Variants in RPS6KA5 observed in about 807,000 individuals in gnomAD.
RPS6KA5 encodes ribosomal protein S6 kinase alpha-5.
A neutral mutation model predicts 85.5 loss-of-function variants in RPS6KA5; 27 were observed. The ratio of observed to expected loss-of-function variants is 0.32; its 90% confidence interval spans 0.23 to 0.44. The LOEUF (loss-of-function observed/expected upper bound fraction) is 0.44, where lower values mean the gene tolerates loss of function less well. Among genes scored for constraint, RPS6KA5 ranks in the 20% least tolerant of loss-of-function variants. The pLI is 1.00. For synonymous variants in RPS6KA5, 334 were observed against 348.2 expected, an observed-to-expected ratio of 0.96 and a Z score of 0.46; for missense variants, 811 against 980.9, an observed-to-expected ratio of 0.83 and a Z score of 2.31.
At chr14:90,978,566 A>G (rs748993092) in intron 2 of RPS6KA5, 42 bp from the exon 3 acceptor site, 3 of 1,457,630 alleles carry the variant, frequency 2.1e-6, no homozygotes, top group Non-Finnish European at 9.3e-7. Flanking sequence ...AAAATGCTAC[A>G]CAGGCAAAAT....
At chr14:90,899,522 A>G (rs2035039819) in intron 11 of RPS6KA5, 100 bp from the exon 12 acceptor site, 1 of 759,078 alleles carries the variant, frequency 1.3e-6, no homozygotes, top group Non-Finnish European at 2.3e-6. Flanking sequence ...GTGCATTCAG[A>G]ATATACATGT....
rs2032495122 is a variant in RPS6KA5 at position 90,860,633 on chromosome 14, A to G, written c.*11441T>C. The stretch of plus-strand genomic sequence containing the variant: ...CATTGAATTGTATCTGAATGGAATG[A>G]TTAGATGGGTATATTACATGATACA... On this transcript the variant is annotated 3_prime_UTR_variant, in exon 17 of 17. Transcript: ENST00000614987. 6.6e-6 allele frequency: 1 copy of G among 152,148 alleles called. No individual in the cohort carries two copies. Among genetic ancestry groups the G allele is most frequent in the African/African-American group, 2.4e-5 (1 of 41,438 alleles). 9.4% of individuals were successfully genotyped at this position (152,148 alleles called of 1,614,324 possible). A position where few individuals can be genotyped will look rare whatever the true frequency, so the allele number is the denominator to read the frequency against.
chr14:91,058,106 T>C (rs899850038), intron 1 of RPS6KA5, among the ~76,000 whole-genome samples: 1 of 152,228 alleles, frequency 6.6e-6, no homozygotes, highest in Non-Finnish European at 1.5e-5. Flanking sequence ...GTGCCTATTA[T>C]AGATCATGTG....
At chr14:90,971,962 T>C (rs1017008358) in intron 3 of RPS6KA5, among the ~76,000 whole-genome samples, 2 of 152,164 alleles carry the variant, frequency 1.3e-5, no homozygotes, top group African/African-American at 2.4e-5. Flanking sequence ...AGAACTAATA[T>C]ATAAAAGTAA....
At position 90,873,790 on chromosome 14, in the gene RPS6KA5, G is replaced by A; in HGVS notation, c.2002C>T (p.Leu668Phe). 6.2e-7 allele frequency: 1 copy of A among 1,612,384 alleles called. No homozygotes were observed. The highest frequency in any genetic ancestry group is 1.1e-5 in the South Asian group (1 of 90,820). Residue 668 changes from leucine to phenylalanine, a missense_variant, in exon 16 of 17, where the codon CTC (leucine) becomes TTC (phenylalanine). Physicochemically the swap from Leu to Phe is conservative, Grantham distance 22 (BLOSUM62 0). This residue lies in a region of RPS6KA5 where 650 missense variants were observed against 793.4 expected (regional missense o/e 0.82). Coordinates refer to ENST00000614987, the MANE Select transcript of RPS6KA5 (RefSeq NM_004755.4). ...QEAKDLIQGLLTVDPNKRLKM... is the reference protein window; with the variant it reads ...QEAKDLIQGLFTVDPNKRLKM... ...AGCCTTTTGTTTGGATCTACTGTGA[G>A]AAGTCCTTTGGGAATAGATATTTTT...
intron 3 of RPS6KA5, among the ~76,000 whole-genome samples, chr14:90,972,132 G>A (rs2039347729): frequency 1.3e-5 from 2 of 152,188 alleles, no homozygotes; most frequent in Non-Finnish European, 2.9e-5. Context: ...AACATACCAT[G>A]TTCTTGAATT....
rs999166337 is a variant in RPS6KA5, at chr14:90,859,609, T to C, written c.*12465A>G. 2 of 152,126 alleles carry C rather than the reference T, an allele frequency of 1.3e-5. No individual in the cohort carries two copies. Among genetic ancestry groups the C allele is most frequent in the Admixed American group, 6.5e-5 (1 of 15,276 alleles). The allele number at this position is 152,126 out of a possible 1,614,324, so 9.4% of individuals were successfully genotyped here. A position where few individuals can be genotyped will look rare whatever the true frequency, so the allele number is the denominator to read the frequency against. On this transcript the variant is annotated 3_prime_UTR_variant, in exon 17 of 17. Coordinates refer to ENST00000614987, the MANE Select transcript of RPS6KA5 (RefSeq NM_004755.4). Reference sequence around the variant, plus strand: ...GAACAGGATAAGTTAATTAGGTCAGTAAAAACTATACAGATTGAAGTACAG... The same window carrying C: ...GAACAGGATAAGTTAATTAGGTCAGCAAAAACTATACAGATTGAAGTACAG...
chr14:91,049,785 T>C (rs539383344), intron 1 of RPS6KA5, among the ~76,000 whole-genome samples: 4 of 152,310 alleles, frequency 2.6e-5, no homozygotes, highest in South Asian at 4.1e-4. Context: ...CAAACCTAGA[T>C]GGTATAGGTT....
At chr14:90,921,039 T>A (rs897912695) in intron 6 of RPS6KA5, among the ~76,000 whole-genome samples, 4 of 152,104 alleles carry the variant, frequency 2.6e-5, no homozygotes, top group Admixed American at 6.6e-5. Flanking sequence ...GCCTAAAGAA[T>A]CTTGATGTAT....
chr14:90,951,205 T>C (rs1205016785), intron 3 of RPS6KA5, among the ~76,000 whole-genome samples: 3 of 150,704 alleles, frequency 2.0e-5, no homozygotes, highest in African/African-American at 4.9e-5. Context: ...GTAGGAAGGC[T>C]GGGCGCGGTG....
intron 7 of RPS6KA5, among the ~76,000 whole-genome samples, chr14:90,914,246 T>C (rs1472595681): frequency 6.0e-5 from 9 of 149,830 alleles, no homozygotes; most frequent in Non-Finnish European, 4.4e-5. Context: ...GCCTGGGAAA[T>C]GATAGGCAGA....
chr14:91,015,219 A>G (rs1160906402), intron 1 of RPS6KA5, among the ~76,000 whole-genome samples: 1 of 152,200 alleles, frequency 6.6e-6, no homozygotes, highest in Non-Finnish European at 1.5e-5. Context: ...GGAGACAATC[A>G]CACCTGGAAC....
chr14:90,926,013 G>A (rs917787721), intron 5 of RPS6KA5, among the ~76,000 whole-genome samples: 2 of 150,032 alleles, frequency 1.3e-5, no homozygotes, highest in African/African-American at 2.5e-5. Context: ...ATAAAGAAAC[G>A]AGGCAATAAA....
In RPS6KA5 at chr14:90,986,595, T is replaced by C. The variant is rs117344464; in HGVS notation, c.176-8071A>G. On this transcript the variant is annotated intron_variant, in intron 2 of 16. Coordinates refer to ENST00000614987, the MANE Select transcript of RPS6KA5 (RefSeq NM_004755.4). ...AACTGCTGGAGTTAATGACCACCTG[T>C]AGTGGGTGCTGATGGTGTTCTGCCA... Among the ~76,000 whole-genome samples the C allele has an allele frequency of 6.3e-3, 965 of 152,326 alleles. 3 individuals are homozygous for C. The highest frequency in any genetic ancestry group is 0.01 in the Middle Eastern group (3 of 294).
At chr14:90,998,292 A>C (rs1429322984) in intron 2 of RPS6KA5, among the ~76,000 whole-genome samples, 1 of 152,200 alleles carries the variant, frequency 6.6e-6, no homozygotes, top group African/African-American at 2.4e-5. Context: ...GACTGTTATA[A>C]AATTGCTGCA....
chr14:90,956,358 G>A (rs1286016701), intron 3 of RPS6KA5, among the ~76,000 whole-genome samples: 3 of 151,748 alleles, frequency 2.0e-5, no homozygotes, highest in Non-Finnish European at 4.4e-5. Flanking sequence ...GCTTTCTTGT[G>A]GTTGCTGTTT....
At chr14:90,939,157 G>A (rs1458364297) in intron 5 of RPS6KA5, among the ~76,000 whole-genome samples, 6 of 152,116 alleles carry the variant, frequency 3.9e-5, no homozygotes, top group African/African-American at 9.7e-5. Flanking sequence ...CAAATCTCTA[G>A]GGCAGGGGCA....
Position 90,906,878 on chromosome 14 carries a change from T to C in RPS6KA5, c.807-579A>G, listed in dbSNP as rs1373202786. ...AAATGGGCACTACAGCTGGGGATTT[T>C]CATGGGGTAAAAGTACCTGCTTCAA... is the stretch of plus-strand genomic sequence containing the variant. On this transcript the variant is annotated intron_variant, in intron 7 of 16. Transcript: ENST00000614987. Among the ~76,000 whole-genome samples the C allele has an allele frequency of 2.6e-5, 4 of 152,078 alleles. No individual in the cohort carries two copies. The East Asian group carries it at 7.8e-4, about 30-fold the overall frequency.
At chr14:91,041,830 A>G (rs1392174446) in intron 1 of RPS6KA5, among the ~76,000 whole-genome samples, 1 of 152,262 alleles carries the variant, frequency 6.6e-6, no homozygotes, top group East Asian at 1.9e-4. Context: ...CTTCTGGTGT[A>G]TAAAACGGCA....
Sources: gnomAD v4.1 joint callset for allele counts (sites outside exome capture counted in the v4.1 genomes callset) on GRCh38, gnomAD v4.1.1 for gene constraint, gnomAD v4.1.1 regional missense constraint, MANE v1.5 for transcripts, NCBI Gene and HGNC (gene_info 2026-07-23, HGNC 2026-07-21) for gene names.